The following IQCM variants were observed in gnomAD, a reference collection of about 807,000 sequenced individuals.
The protein encoded by IQCM is IQ domain-containing protein M.
IQCM carries 45 observed loss-of-function variants against 57.6 expected under a neutral mutation model. The observed-to-expected ratio is 0.78, with a 90% CI of 0.62 to 1.00. The LOEUF is 1.00. Ranked by LOEUF, IQCM falls within the 50% of genes least tolerant of loss-of-function variation. The pLI, the probability that IQCM is intolerant of heterozygous loss-of-function variation, is 0.00. For missense variants in IQCM, 468 were observed against 511.6 expected (o/e 0.91, Z 0.82); for synonymous variants, 148 against 158.9 (o/e 0.93, Z 0.51).
Position 149,433,465 on chromosome 4 carries a change from C to T in IQCM, c.1321G>A (p.Asp441Asn). Residue 441 changes from aspartate (D) to asparagine (N), a missense_variant, in exon 13 of 14, where the codon GAC becomes AAC. Physicochemically the swap from Asp to Asn is conservative, Grantham distance 23. Transcript: ENST00000636793. ...CAAGTCGACTTGAGTAGTGTACTGT[C>T]AGGCACATGTGCACCTTCAGGAGGA... Reference protein sequence around the residue: ...LYPPEGAHVPDSTLLKSTWLR... With the variant: ...LYPPEGAHVPNSTLLKSTWLR... 8.2e-7 allele frequency: 1 copy of T among 1,223,716 alleles called. No individual in the cohort carries two copies. Among genetic ancestry groups the T allele is most frequent in the Non-Finnish European group, 1.0e-6 (1 of 980,658 alleles). The allele number at this position is 1,223,716 out of a possible 1,614,324, so 75.8% of individuals were successfully genotyped here.
chr4:149,665,249 G>A (rs1420711383), intron 7 of IQCM, among the ~76,000 whole-genome samples: 2 of 152,108 alleles, frequency 1.3e-5, no homozygotes, highest in Non-Finnish European at 2.9e-5. Flanking sequence ...CAATTCAGCA[G>A]CACAAACTCC....
chr4:149,776,297 A>T (rs1298985903), intron 2 of IQCM, among the ~76,000 whole-genome samples: 1 of 152,186 alleles, frequency 6.6e-6, no homozygotes, highest in African/African-American at 2.4e-5. Flanking sequence ...TCTGAAAACA[A>T]AGATATGAGA....
At chr4:149,642,824 G>T (rs1758311375) in intron 7 of IQCM, among the ~76,000 whole-genome samples, 1 of 152,036 alleles carries the variant, frequency 6.6e-6, no homozygotes, top group Non-Finnish European at 1.5e-5. Context: ...CATAAAATTT[G>T]TATCACTCTT....
At chr4:149,384,074 T>G (rs1731256311) in intron 13 of IQCM, among the ~76,000 whole-genome samples, 1 of 152,200 alleles carries the variant, frequency 6.6e-6, no homozygotes, top group East Asian at 1.9e-4. Context: ...TCATGAAATT[T>G]GAGATTTGAG....
intron 12 of IQCM, among the ~76,000 whole-genome samples, chr4:149,465,406 T>C (rs1472142228): frequency 6.6e-6 from 1 of 152,146 alleles, no homozygotes. Flanking sequence ...GGGACAAAAC[T>C]AGTAACTAGG....
At chr4:149,527,199 C>G (rs768695106) in intron 12 of IQCM, among the ~76,000 whole-genome samples, 1 of 152,138 alleles carries the variant, frequency 6.6e-6, no homozygotes, top group Non-Finnish European at 1.5e-5. Context: ...ATAGTTGAAT[C>G]TTTTTCACAA....
intron 12 of IQCM, among the ~76,000 whole-genome samples, chr4:149,493,015 T>A (rs1742257494): frequency 6.6e-6 from 1 of 152,020 alleles, no homozygotes; most frequent in South Asian, 2.1e-4. Context: ...ATAAACTACC[T>A]GAACATCAGG....
chr4:149,481,708 T>TTTTTGTTTTTTGTTTTTTG (rs1740875903), intron 12 of IQCM, among the ~76,000 whole-genome samples: 1 of 134,710 alleles, frequency 7.4e-6, no homozygotes, highest in Non-Finnish European at 1.6e-5. Context: ...TTTGTTTTTT[T>TTTTTGTTTTTTGTTTTTTG]TTTTTTTTTT....
At chr4:149,737,289 C>G (rs554772809) in intron 3 of IQCM, among the ~76,000 whole-genome samples, 43 of 152,204 alleles carry the variant, frequency 2.8e-4, no homozygotes, top group African/African-American at 1.0e-3. Context: ...CATTAGTGTA[C>G]TCAATGTACA....
intron 7 of IQCM, among the ~76,000 whole-genome samples, chr4:149,646,951 T>C (rs1330158795): frequency 6.6e-6 from 1 of 152,206 alleles, no homozygotes; most frequent in African/African-American, 2.4e-5. Context: ...ACAACTGCAC[T>C]CCAACCTGGG....
chr4:149,381,690 C>A (rs761352415), intron 13 of IQCM, among the ~76,000 whole-genome samples: 20 of 152,012 alleles, frequency 1.3e-4, no homozygotes, highest in African/African-American at 4.8e-4. Context: ...CCCTAGGATG[C>A]CCTATCCCTC....
At chr4:149,555,929 G>A (rs999563447) in intron 10 of IQCM, among the ~76,000 whole-genome samples, 1 of 152,108 alleles carries the variant, frequency 6.6e-6, no homozygotes, top group Non-Finnish European at 1.5e-5. Flanking sequence ...CATTTGGAAG[G>A]TTACCTAGGG....
rs1298832487 is a variant in IQCM at position 149,602,078 on chromosome 4, A to G, written c.682-14081T>C. ...AAAGAAAAAATATGCTTTTTACTAA[A>G]CAACGAGAAATTAGAATACATCAAT... On this transcript the variant is annotated intron_variant, in intron 8 of 13. Coordinates refer to ENST00000636793, the MANE Select transcript of IQCM (RefSeq NM_001363507.2). Among the ~76,000 whole-genome samples, 5 of 151,972 alleles carry G rather than the reference A, an allele frequency of 3.3e-5. No homozygotes were observed. In the East Asian group the frequency reaches 9.7e-4, roughly 29 times the overall value.
chr4:149,550,252 T>G (rs757850112), intron 11 of IQCM, among the ~76,000 whole-genome samples: 1 of 152,246 alleles, frequency 6.6e-6, no homozygotes, highest in Non-Finnish European at 1.5e-5. Context: ...AAGCTTCAGT[T>G]GTCCAGGTAG....
At chr4:149,646,036 T>C (rs1193165071) in intron 7 of IQCM, among the ~76,000 whole-genome samples, 1 of 152,164 alleles carries the variant, frequency 6.6e-6, no homozygotes, top group Non-Finnish European at 1.5e-5. Flanking sequence ...TGAACTTTTC[T>C]GCCATCCAGT....
At chr4:149,483,893 T>C (rs1368469362) in intron 12 of IQCM, among the ~76,000 whole-genome samples, 1 of 152,004 alleles carries the variant, frequency 6.6e-6, no homozygotes, top group Non-Finnish European at 1.5e-5. Flanking sequence ...TGTTATTGTA[T>C]TGGAGCCTAT....
chr4:149,741,064 T>C (rs977412942), intron 3 of IQCM, among the ~76,000 whole-genome samples: 1 of 152,172 alleles, frequency 6.6e-6, no homozygotes, highest in Non-Finnish European at 1.5e-5. Context: ...TTCTAATTTA[T>C]TCCTAAAAAG....
chr4:149,642,592 C>G (rs535110107), intron 7 of IQCM, among the ~76,000 whole-genome samples: 1 of 152,248 alleles, frequency 6.6e-6, no homozygotes, highest in African/African-American at 2.4e-5. Flanking sequence ...CTATGGACTA[C>G]ACAGGAAAAT....
intron 12 of IQCM, among the ~76,000 whole-genome samples, chr4:149,535,120 C>T (rs1361097409): frequency 6.6e-6 from 1 of 151,992 alleles, no homozygotes; most frequent in East Asian, 1.9e-4. Flanking sequence ...GTGAGAACTA[C>T]AAAACATTAT....
Sources: allele counts gnomAD v4.1 joint callset (sites outside exome capture counted in the v4.1 genomes callset), GRCh38; gene constraint gnomAD v4.1.1; transcripts MANE v1.5; gene names NCBI Gene and HGNC (gene_info 2026-07-23, HGNC 2026-07-21).